CSMD1: variants seen among roughly 807,000 people sequenced by gnomAD.
CSMD1 encodes CUB and Sushi multiple domains 1, also known as CUB and sushi domain-containing protein 1.
In CSMD1, 213 loss-of-function variants were observed where a neutral mutation model predicts 417.5. The observed-to-expected ratio is 0.51, with a 90% CI of 0.46 to 0.57. The LOEUF (loss-of-function observed/expected upper bound fraction) is 0.57. CSMD1 is among the 20% of genes least tolerant of loss of function. The probability of loss-of-function intolerance (pLI) is 0.00; values close to 1 mark genes in which losing one functional copy is unlikely to be tolerated. For missense variants in CSMD1, 6,923 were observed against 4,529.7 expected (o/e 1.53, Z -15.17); for synonymous variants, 2,862 against 1,736.8 (o/e 1.65, Z -16.11).
At chr8:4,674,348 G>C (rs1317898406) in intron 1 of CSMD1, among the ~76,000 whole-genome samples, 2 of 152,150 alleles carry the variant, frequency 1.3e-5, no homozygotes, top group Non-Finnish European at 2.9e-5. Context: ...AACGCAAGTG[G>C]AAATAGATAG....
chr8:3,462,862 C>T (rs1816593858), intron 12 of CSMD1, among the ~76,000 whole-genome samples: 1 of 152,140 alleles, frequency 6.6e-6, no homozygotes, highest in Non-Finnish European at 1.5e-5. Context: ...TGAAACCTAA[C>T]CTCAAATTTG....
intron 5 of CSMD1, among the ~76,000 whole-genome samples, chr8:3,875,477 G>C (rs186195631): frequency 2.0e-5 from 3 of 152,254 alleles, no homozygotes; most frequent in African/African-American, 7.2e-5. Flanking sequence ...CCCGAACTGG[G>C]TTCCGAGGGT....
chr8:3,288,765 G>A (rs1158213483), intron 25 of CSMD1, among the ~76,000 whole-genome samples: 1 of 146,596 alleles, frequency 6.8e-6, no homozygotes, highest in Non-Finnish European at 1.5e-5. Flanking sequence ...TGGATTCATT[G>A]ATTTTTTGAA....
At chr8:3,090,999 A>T (rs1028056691) in intron 48 of CSMD1, among the ~76,000 whole-genome samples, 5 of 152,110 alleles carry the variant, frequency 3.3e-5, no homozygotes, top group Admixed American at 6.5e-5. Context: ...AATAATTTAC[A>T]TTTTGATGAG....
At chr8:3,377,292 A>C (rs566212500) in intron 18 of CSMD1, among the ~76,000 whole-genome samples, 75 of 152,286 alleles carry the variant, frequency 4.9e-4, no homozygotes, top group African/African-American at 1.8e-3. Flanking sequence ...GATTACAGGC[A>C]TGAGCCACCA....
intron 26 of CSMD1, among the ~76,000 whole-genome samples, chr8:3,255,083 T>A (rs1027307366): frequency 6.6e-6 from 1 of 152,194 alleles, no homozygotes; most frequent in Non-Finnish European, 1.5e-5. Flanking sequence ...TAGTTTTCAT[T>A]GTAACAGTCA....
intron 10 of CSMD1, among the ~76,000 whole-genome samples, chr8:3,524,228 C>CAT: frequency 6.7e-6 from 1 of 150,354 alleles, no homozygotes; most frequent in African/African-American, 2.5e-5. Context: ...TATGCACACA[C>CAT]ATACACACAT....
At chr8:3,000,872 T>G (rs1425190141) in intron 52 of CSMD1, among the ~76,000 whole-genome samples, 4 of 152,194 alleles carry the variant, frequency 2.6e-5, no homozygotes, top group African/African-American at 9.7e-5. Flanking sequence ...AGACAGAATG[T>G]CCATGTAGAT....
intron 2 of CSMD1, among the ~76,000 whole-genome samples, chr8:4,580,572 C>A (rs1440487022): frequency 2.6e-5 from 4 of 152,108 alleles, no homozygotes; most frequent in Non-Finnish European, 5.9e-5. Context: ...TCATGAGGCT[C>A]CTCCTTTCTC....
At chr8:3,251,413 A>G (rs1374281767) in intron 26 of CSMD1, among the ~76,000 whole-genome samples, 2 of 152,070 alleles carry the variant, frequency 1.3e-5, no homozygotes, top group African/African-American at 2.4e-5. Context: ...GTTCTGTTGC[A>G]TTGGTCTATA....
chr8:3,813,615 T>G (rs1429276535), intron 5 of CSMD1, among the ~76,000 whole-genome samples: 1 of 152,186 alleles, frequency 6.6e-6, no homozygotes, highest in African/African-American at 2.4e-5. Context: ...TTCTTCAAAC[T>G]GCCTTTATGC....
chr8:2,974,087 T>TGATGGTAGAGGAG, intron 56 of CSMD1, among the ~76,000 whole-genome samples: 1 of 149,900 alleles, frequency 6.7e-6, no homozygotes, highest in Admixed American at 6.6e-5. Context: ...TGGTAGAGGA[T>TGATGGTAGAGGAG]GATGGTAGAG....
chr8:4,553,163 T>C (rs1797944413), intron 2 of CSMD1, among the ~76,000 whole-genome samples: 1 of 152,200 alleles, frequency 6.6e-6, no homozygotes, highest in African/African-American at 2.4e-5. Flanking sequence ...GCTTTGTACG[T>C]TTTCAGTTGT....
chr8:3,951,352 GGAATTCAA>G (rs1811587192), intron 5 of CSMD1, among the ~76,000 whole-genome samples: 2 of 152,142 alleles, frequency 1.3e-5, no homozygotes, highest in South Asian at 2.1e-4. Context: ...GAACGGAGCA[GGAATTCAA>G]GAATTCAATA....
chr8:4,021,167 T>A lies in CSMD1; in HGVS notation c.610+10738A>T, dbSNP rs148829246. Among the ~76,000 whole-genome samples the A allele has an allele frequency of 1.4e-4, 22 of 152,344 alleles. No individual in the cohort carries two copies. In the East Asian group the frequency reaches 4.2e-3, roughly 29 times the overall value. ...ATGCAGCTCATGAGCACGTGAAATG[T>A]GGCTAGTCAGCATTGCAAAATGGCA... is the stretch of plus-strand genomic sequence containing the variant. On this transcript the variant is annotated intron_variant, in intron 4 of 69. Transcript: ENST00000635120.
chr8:4,437,303 G>T (rs570305040), intron 2 of CSMD1, among the ~76,000 whole-genome samples: 4 of 152,230 alleles, frequency 2.6e-5, no homozygotes, highest in South Asian at 4.1e-4. Context: ...TGATTATTTA[G>T]TTTGAGAGAA....
chr8:4,776,413 C>T (rs1444183297), intron 1 of CSMD1, among the ~76,000 whole-genome samples: 2 of 152,184 alleles, frequency 1.3e-5, no homozygotes, highest in Admixed American at 6.6e-5. Flanking sequence ...TCTTATGGTG[C>T]CTCTAGAGAA....
intron 3 of CSMD1, among the ~76,000 whole-genome samples, chr8:4,052,101 T>A (rs1361742917): frequency 6.6e-6 from 1 of 151,988 alleles, no homozygotes; most frequent in Non-Finnish European, 1.5e-5. Flanking sequence ...TCTGTATTTT[T>A]AAAAATAGAG....
intron 2 of CSMD1, among the ~76,000 whole-genome samples, chr8:4,467,792 T>C (rs73660875): frequency 0.024 from 3,641 of 152,268 alleles, 127 homozygotes; most frequent in African/African-American, 0.084. Flanking sequence ...CTATTTCTTA[T>C]ATGGGGAAAG....
Sources: allele counts gnomAD v4.1 joint callset (sites outside exome capture counted in the v4.1 genomes callset), GRCh38; gene constraint gnomAD v4.1.1; transcripts MANE v1.5; gene names NCBI Gene and HGNC (gene_info 2026-07-23, HGNC 2026-07-21).